Variants in DROSHA observed in about 807,000 individuals in gnomAD.
DROSHA encodes ribonuclease 3.
In DROSHA, 56 loss-of-function variants were observed where a neutral mutation model predicts 181.9. That is an observed-to-expected ratio of 0.31 (90% CI 0.25 to 0.38). DROSHA has a LOEUF of 0.38. Among genes scored for constraint, DROSHA ranks in the 10% least tolerant of loss-of-function variants. The probability of loss-of-function intolerance (pLI) is 1.00; values close to 1 mark genes in which losing one functional copy is unlikely to be tolerated. For missense variants in DROSHA, 1,218 were observed against 1,743.5 expected (o/e 0.70, Z 5.37); for synonymous variants, 524 against 591.2 (o/e 0.89, Z 1.65).
At chr5:31,436,168 A>G (rs1744759246) in intron 24 of DROSHA, among the ~76,000 whole-genome samples, 1 of 152,196 alleles carries the variant, frequency 6.6e-6, no homozygotes, top group African/African-American at 2.4e-5. Flanking sequence ...CAAACACATT[A>G]ATACTAAAAA....
At chr5:31,530,649 A>AT in intron 3 of DROSHA, 149 bp downstream of exon 3, 1 of 386,196 alleles carries the variant, frequency 2.6e-6, no homozygotes, top group Non-Finnish European at 4.6e-6. Context: ...AAAAAAAAAA[A>AT]AATCTCCCAA....
At chr5:31,472,454 C>A (rs552831957) in intron 16 of DROSHA, among the ~76,000 whole-genome samples, 1 of 151,996 alleles carries the variant, frequency 6.6e-6, no homozygotes, top group Non-Finnish European at 1.5e-5. Flanking sequence ...ACTAAATTGG[C>A]AACAACAACA....
rs1741046020 is a variant in DROSHA, at chr5:31,409,530, A to G, written c.3668-198T>C. 1 of 568,484 alleles carries G rather than the reference A, an allele frequency of 1.8e-6. No individual in the cohort carries two copies. Among genetic ancestry groups the G allele is most frequent in the Admixed American group, 3.1e-5 (1 of 32,432 alleles). 35.2% of individuals were successfully genotyped at this position (568,484 alleles called of 1,614,324 possible). A position where few individuals can be genotyped will look rare whatever the true frequency, so the allele number is the denominator to read the frequency against. On this transcript the variant is annotated intron_variant, in intron 31 of 35. Transcript: ENST00000344624. This position sits in a 1 kb window ranked among gnomAD's most constrained non-coding sequence, Gnocchi z 4.0. ...GCAGCAAGAGATGTGTAAGATGCAAATCATAGAGTACAAACACCAAACTGC... is the reference window on the plus strand; with the variant it reads ...GCAGCAAGAGATGTGTAAGATGCAAGTCATAGAGTACAAACACCAAACTGC...
chr5:31,431,528 T>C (rs1744185362), intron 26 of DROSHA, 48 bp downstream of exon 26: 1 of 1,587,268 alleles, frequency 6.3e-7, no homozygotes. Flanking sequence ...CTCTCCAGAC[T>C]GTTTAGACAT....
chr5:31,482,568 G>C (rs778458334), intron 16 of DROSHA, among the ~76,000 whole-genome samples: 7 of 152,340 alleles, frequency 4.6e-5, no homozygotes, highest in Non-Finnish European at 7.3e-5. Context: ...CGGCTGAGTG[G>C]TGACAATCCT....
At chr5:31,482,559 G>A (rs1325546435) in intron 16 of DROSHA, among the ~76,000 whole-genome samples, 3 of 152,100 alleles carry the variant, frequency 2.0e-5, no homozygotes, top group African/African-American at 2.4e-5. Context: ...AAGATTAAGC[G>A]GCTGAGTGGT....
intron 23 of DROSHA, among the ~76,000 whole-genome samples, chr5:31,441,390 G>A (rs925849638): frequency 6.6e-6 from 1 of 152,078 alleles, no homozygotes; most frequent in Non-Finnish European, 1.5e-5. Context: ...CAGCCTGGAT[G>A]ACAGTGGGAG....
chr5:31,477,228 T>G (rs1750483445), intron 16 of DROSHA, among the ~76,000 whole-genome samples: 1 of 152,222 alleles, frequency 6.6e-6, no homozygotes, highest in Admixed American at 6.5e-5. Context: ...TGCTTGATTA[T>G]TTATATGGTT....
chr5:31,448,024 A>C (rs1746516631), intron 23 of DROSHA, among the ~76,000 whole-genome samples: 1 of 152,256 alleles, frequency 6.6e-6, no homozygotes, highest in African/African-American at 2.4e-5. Context: ...GCAAAATCAA[A>C]ATATATGTCC....
intron 14 of DROSHA, among the ~76,000 whole-genome samples, chr5:31,485,666 AG>A (rs1443350369): frequency 6.7e-6 from 1 of 149,978 alleles, no homozygotes; most frequent in Non-Finnish European, 1.5e-5. Flanking sequence ...CTAAAGCAGG[AG>A]AATGAAGGGG....
rs1320618129 is a variant in DROSHA at position 31,508,753 on chromosome 5, A to G, written c.1455T>C (p.Cys485=). ...EDLESSSESE[C]ESDEDSTCSS... is the part of the protein sequence containing the mutation. ...AACAGGTGCTGTCCTCATCAGACTC[A>G]CACTCGGATTCACTGGAACTCTCTA... Residue 485 remains cysteine (C), a synonymous_variant, in exon 10 of 36, where the codon TGT becomes TGC. Transcript: ENST00000344624. 3 of 1,613,880 alleles carry G rather than the reference A, an allele frequency of 1.9e-6. No homozygotes were observed.
Position 31,526,472 on chromosome 5 carries a change from G to A in DROSHA, c.461C>T (p.Pro154Leu). Residue 154 changes from proline (P) to leucine (L), a missense_variant, in exon 5 of 36, where the codon CCC becomes CTC. By Grantham distance (98) the Pro-to-Leu change is moderately conservative (BLOSUM62 -3). This residue lies in a region of DROSHA where 536 missense variants were observed against 535.4 expected (regional missense o/e 1.00). Transcript: ENST00000344624. ...CTGCGGCATGACTGGAGGGGGCGGG[G>A]GATGAGGCATGGAGGGAGGGGGCAT... ...FMMPPPSMPHPPPPPVMPQQV... is the reference protein window; with the variant it reads ...FMMPPPSMPHLPPPPVMPQQV... 1 of 1,608,090 alleles carries A rather than the reference G, an allele frequency of 6.2e-7. No individual in the cohort carries two copies. The highest frequency in any genetic ancestry group is 8.5e-7 in the Non-Finnish European group (1 of 1,176,428).
chr5:31,412,810 C>A (rs1345817196), intron 30 of DROSHA, among the ~76,000 whole-genome samples: 3 of 152,078 alleles, frequency 2.0e-5, no homozygotes, highest in Non-Finnish European at 4.4e-5. Context: ...AGCCTAATAT[C>A]TTGTAATTAT....
In DROSHA at chr5:31,435,869, A is replaced by G; in HGVS notation, c.2943-5T>C. 1.4e-6 allele frequency: 1 copy of G among 704,898 alleles called. No individual in the cohort carries two copies. Among genetic ancestry groups the G allele is most frequent in the Non-Finnish European group, 2.0e-6 (1 of 500,190 alleles). 43.7% of individuals were successfully genotyped at this position (704,898 alleles called of 1,614,324 possible). ...AACAAATAGTACAAATGGACGCTACAAAAAAAAAAAGAAGTACATGAATAA... is the reference window on the plus strand; with the variant it reads ...AACAAATAGTACAAATGGACGCTACGAAAAAAAAAAGAAGTACATGAATAA... On this transcript the variant is annotated splice_region_variant and splice_polypyrimidine_tract_variant and intron_variant, in intron 24 of 35. Transcript: ENST00000344624.
At chr5:31,480,043 T>C (rs745458963) in intron 16 of DROSHA, among the ~76,000 whole-genome samples, 6 of 151,694 alleles carry the variant, frequency 4.0e-5, no homozygotes, top group Non-Finnish European at 8.8e-5. Context: ...AAGTATCACA[T>C]TGTGATTTTA....
At chr5:31,520,006 C>A (rs1739708609) in intron 6 of DROSHA, among the ~76,000 whole-genome samples, 1 of 152,026 alleles carries the variant, frequency 6.6e-6, no homozygotes, top group African/African-American at 2.4e-5. Flanking sequence ...TTAGGTTTTG[C>A]CATCTGGTTT....
chr5:31,407,148 T>G, intron 33 of DROSHA: 1 of 355,290 alleles, frequency 2.8e-6, no homozygotes, highest in South Asian at 8.7e-5. Context: ...AAATAGAAAT[T>G]TTTAAAAATT....
intron 23 of DROSHA, among the ~76,000 whole-genome samples, chr5:31,446,718 T>C (rs1746348873): frequency 6.9e-6 from 1 of 144,046 alleles, no homozygotes; most frequent in Non-Finnish European, 1.5e-5. Flanking sequence ...ATCATCAACC[T>C]AAATGCCCTT....
At chr5:31,457,447 G>A (rs979396149) in intron 20 of DROSHA, among the ~76,000 whole-genome samples, 1 of 152,078 alleles carries the variant, frequency 6.6e-6, no homozygotes, top group African/African-American at 2.4e-5. Context: ...ATTTTTAAAA[G>A]ATAGTTACCT....
Sources: gnomAD v4.1 joint callset for allele counts (sites outside exome capture counted in the v4.1 genomes callset) on GRCh38, gnomAD v4.1.1 for gene constraint, gnomAD v4.1.1 regional missense constraint, Gnocchi (gnomAD v3.1) non-coding constraint, MANE v1.5 for transcripts, NCBI Gene and HGNC (gene_info 2026-07-23, HGNC 2026-07-21) for gene names.